Variants in DAAM1 observed in about 807,000 individuals in gnomAD.
The protein encoded by DAAM1 is disheveled-associated activator of morphogenesis 1.
A neutral mutation model predicts 130.0 loss-of-function variants in DAAM1; 52 were observed. That is an observed-to-expected ratio of 0.40 (90% CI 0.32 to 0.50). The LOEUF is 0.50. Among genes scored for constraint, DAAM1 ranks in the 20% least tolerant of loss-of-function variants. The pLI is 0.61. For missense variants in DAAM1, 1,134 were observed against 1,303.8 expected (o/e 0.87, Z 2.01); for synonymous variants, 452 against 444.5 (o/e 1.02, Z -0.21).
At chr14:59,206,607 T>C (rs551966605) in intron 1 of DAAM1, among the ~76,000 whole-genome samples, 1 of 152,344 alleles carries the variant, frequency 6.6e-6, no homozygotes, top group South Asian at 2.1e-4. Flanking sequence ...GATATACTTA[T>C]CCCACTCTTA....
In DAAM1 at chr14:59,272,982, T is replaced by C. The variant is rs184972676; in HGVS notation, c.183+9322T>C. On this transcript the variant is annotated intron_variant, in intron 2 of 24. Transcript: ENST00000360909. ...CTGATATTGACATAAGTGGTTTTGC[T>C]TGCTGATATCTGCTGTACTTCTGAA... Among the ~76,000 whole-genome samples, 116 of 152,328 alleles carry C rather than the reference T, an allele frequency of 7.6e-4. No individual in the cohort carries two copies. In the South Asian group the frequency reaches 8.1e-3, roughly 11 times the overall value.
At chr14:59,300,996 A>G (rs1884146725) in intron 3 of DAAM1, among the ~76,000 whole-genome samples, 1 of 152,186 alleles carries the variant, frequency 6.6e-6, no homozygotes, top group Non-Finnish European at 1.5e-5. Context: ...TTTGATATGA[A>G]CATTTTCACC....
At chr14:59,201,703 G>A (rs971562838) in intron 1 of DAAM1, among the ~76,000 whole-genome samples, 9 of 150,932 alleles carry the variant, frequency 6.0e-5, no homozygotes, top group Admixed American at 4.0e-4. Flanking sequence ...AGGCTGAGGC[G>A]AAATCACTTG....
chr14:59,348,081 A>G (rs1048351268), intron 17 of DAAM1, among the ~76,000 whole-genome samples: 1 of 152,264 alleles, frequency 6.6e-6, no homozygotes, highest in Non-Finnish European at 1.5e-5. Flanking sequence ...TAACACTGTC[A>G]TCTGTATCTA....
chr14:59,197,436 A>G (rs560850272), intron 1 of DAAM1, among the ~76,000 whole-genome samples: 34 of 152,374 alleles, frequency 2.2e-4, no homozygotes, highest in East Asian at 3.9e-4. Flanking sequence ...ATTGAAGCCA[A>G]TGGCTGAGAC....
chr14:59,197,336 G>A (rs1887931014), intron 1 of DAAM1, among the ~76,000 whole-genome samples: 1 of 152,212 alleles, frequency 6.6e-6, no homozygotes, highest in Non-Finnish European at 1.5e-5. Flanking sequence ...CTGTTTGTGT[G>A]GCAGTCATTT....
At chr14:59,213,715 C>T (rs1346134776) in intron 1 of DAAM1, among the ~76,000 whole-genome samples, 1 of 152,186 alleles carries the variant, frequency 6.6e-6, no homozygotes, top group African/African-American at 2.4e-5. Context: ...GGCCTTCTCT[C>T]ACTATTTACG....
Position 59,209,390 on chromosome 14 carries a change from A to G in DAAM1, c.-38+20622A>G, listed in dbSNP as rs544273572. Among the ~76,000 whole-genome samples the G allele has an allele frequency of 3.9e-5, 6 of 152,356 alleles. No individual in the cohort carries two copies. The South Asian group carries it at 1.2e-3, about 32-fold the overall frequency. On this transcript the variant is annotated intron_variant, in intron 1 of 24. Coordinates refer to ENST00000360909, the MANE Select transcript of DAAM1 (RefSeq NM_001270520.2). ...ATTTTCTTAGGATAAATTCATAGAA[A>G]TAAATGAAACAAAAGGTGCGTAATT...
rs547173454 is a variant in DAAM1 at position 59,310,340 on chromosome 14, C to T, written c.274-4940C>T. Among the ~76,000 whole-genome samples, 85 of 152,070 alleles carry T rather than the reference C, an allele frequency of 5.6e-4. 1 individual carries two copies. The highest frequency in any genetic ancestry group is 1.5e-3 in the African/African-American group (64 of 41,492). ...TAGAGATGGGGTTTCACCATATTGG[C>T]CAGGCTGGTATCGAACTCCCAGCCT... On this transcript the variant is annotated intron_variant, in intron 3 of 24. Coordinates refer to ENST00000360909, the MANE Select transcript of DAAM1 (RefSeq NM_001270520.2).
intron 1 of DAAM1, among the ~76,000 whole-genome samples, chr14:59,216,270 T>C (rs1888577550): frequency 6.6e-6 from 1 of 152,186 alleles, no homozygotes; most frequent in South Asian, 2.1e-4. Context: ...ATGTACTGTG[T>C]TATTTCTGTA....
intron 1 of DAAM1, among the ~76,000 whole-genome samples, chr14:59,242,173 G>A (rs912607499): frequency 1.3e-5 from 2 of 152,116 alleles, no homozygotes; most frequent in African/African-American, 4.8e-5. Context: ...CTTTAGACTA[G>A]TAATATTTTT....
chr14:59,193,754 T>C (rs1594749472), intron 1 of DAAM1, among the ~76,000 whole-genome samples: 1 of 152,228 alleles, frequency 6.6e-6, no homozygotes, highest in African/African-American at 2.4e-5. Flanking sequence ...GTAATGGCTG[T>C]CCACGTCTGG....
intron 3 of DAAM1, among the ~76,000 whole-genome samples, chr14:59,312,060 A>C (rs1172352191): frequency 6.6e-6 from 1 of 152,140 alleles, no homozygotes; most frequent in Non-Finnish European, 1.5e-5. Flanking sequence ...TATAGTGAAA[A>C]ATTTTCGTGA....
chr14:59,307,232 C>T (rs1055839198), intron 3 of DAAM1, among the ~76,000 whole-genome samples: 7 of 152,196 alleles, frequency 4.6e-5, no homozygotes, highest in African/African-American at 1.7e-4. Flanking sequence ...CCTGATAGCA[C>T]TTCCAATGGT....
At chr14:59,280,408 C>T (rs1883156567) in intron 2 of DAAM1, among the ~76,000 whole-genome samples, 2 of 152,038 alleles carry the variant, frequency 1.3e-5, no homozygotes, top group Admixed American at 6.6e-5. Flanking sequence ...GCACTCCAGC[C>T]TGGATGACAG....
intron 1 of DAAM1, among the ~76,000 whole-genome samples, chr14:59,192,157 T>TGG: frequency 1.4e-5 from 2 of 142,290 alleles, no homozygotes; most frequent in Non-Finnish European, 3.1e-5. Context: ...GGGGTGTGTG[T>TGG]GTGTGTGTGT....
At chr14:59,265,140 C>T (rs1882374551) in intron 2 of DAAM1, 1 of 152,196 alleles carries the variant, frequency 6.6e-6, no homozygotes, top group Non-Finnish European at 1.5e-5. Context: ...AATATCTGAA[C>T]TGACCATGTC....
At chr14:59,195,755 T>G (rs146210774) in intron 1 of DAAM1, among the ~76,000 whole-genome samples, 2 of 152,342 alleles carry the variant, frequency 1.3e-5, no homozygotes, top group African/African-American at 4.8e-5. Context: ...AGATAGGTTC[T>G]TATATTCTGG....
intron 2 of DAAM1, among the ~76,000 whole-genome samples, chr14:59,289,783 T>TATAGATATATATATATATAA (rs966292211): frequency 7.4e-6 from 1 of 135,244 alleles, no homozygotes; most frequent in Non-Finnish European, 1.7e-5. Flanking sequence ...TATATATATA[T>TATAGATATATATATATATAA]AATGGAATGC....
Sources: gnomAD v4.1 joint callset for allele counts (sites outside exome capture counted in the v4.1 genomes callset) on GRCh38, gnomAD v4.1.1 for gene constraint, MANE v1.5 for transcripts, NCBI Gene and HGNC (gene_info 2026-07-23, HGNC 2026-07-21) for gene names.